Variants in CDH12 observed in about 807,000 individuals in gnomAD.
The protein encoded by CDH12 is cadherin 12.
A neutral mutation model predicts 74.1 loss-of-function variants in CDH12; 41 were observed. That is an observed-to-expected ratio of 0.55 (90% CI 0.43 to 0.72). The LOEUF is 0.72. Among genes scored for constraint, CDH12 ranks in the 30% least tolerant of loss-of-function variants. The probability of loss-of-function intolerance (pLI) is 0.00; values close to 1 mark genes in which losing one functional copy is unlikely to be tolerated. For synonymous variants in CDH12, 399 were observed against 355.0 expected, an observed-to-expected ratio of 1.12 and a Z score of -1.39; for missense variants, 945 against 977.2, an observed-to-expected ratio of 0.97 and a Z score of 0.44.
In CDH12 at chr5:21,750,918, C is replaced by G. The variant is rs1423472462; in HGVS notation, c.*819G>C. 2 of 150,742 alleles carry G rather than the reference C, an allele frequency of 1.3e-5. No individual in the cohort carries two copies. Among genetic ancestry groups the G allele is most frequent in the East Asian group, 1.9e-4 (1 of 5,138 alleles). The allele number at this position is 150,742 out of a possible 1,614,324, so 9.3% of individuals were successfully genotyped here. A position where few individuals can be genotyped will look rare whatever the true frequency, so the allele number is the denominator to read the frequency against. ...TTAATGTGTAATTTGAGCCCTGAGGCCTCTCTTTATAAAGAGGAATATTTT... is the reference window on the plus strand; with the variant it reads ...TTAATGTGTAATTTGAGCCCTGAGGGCTCTCTTTATAAAGAGGAATATTTT... On this transcript the variant is annotated 3_prime_UTR_variant, in exon 15 of 15. Transcript: ENST00000382254.
chr5:22,000,613 C>A (rs1736549123), intron 5 of CDH12, among the ~76,000 whole-genome samples: 1 of 152,116 alleles, frequency 6.6e-6, no homozygotes, highest in Non-Finnish European at 1.5e-5. Flanking sequence ...TCATTAATCT[C>A]CACTTAGAAA....
Position 22,156,800 on chromosome 5 carries a change from G to A in CDH12, c.-187+55698C>T, listed in dbSNP as rs1236188068. ...TTTAATTGCTGTGCCATTTTTCACT[G>A]AGATGGCAAGCATTTTTTACATATG... On this transcript the variant is annotated intron_variant, in intron 4 of 14. Coordinates refer to ENST00000382254, the MANE Select transcript of CDH12 (RefSeq NM_004061.5). Among the ~76,000 whole-genome samples the A allele has an allele frequency of 2.6e-5, 4 of 152,226 alleles. No homozygotes were observed. The East Asian group carries it at 7.7e-4, about 29-fold the overall frequency.
chr5:22,489,470 T>C (rs920190958), intron 2 of CDH12, among the ~76,000 whole-genome samples: 6 of 152,046 alleles, frequency 3.9e-5, no homozygotes, highest in African/African-American at 1.4e-4. Context: ...TATTTTGCCA[T>C]GGAATGACAT....
At chr5:22,460,577 T>C (rs1349378248) in intron 2 of CDH12, among the ~76,000 whole-genome samples, 1 of 152,170 alleles carries the variant, frequency 6.6e-6, no homozygotes, top group African/African-American at 2.4e-5. Flanking sequence ...CCTTTTCACT[T>C]ATAGCAGAGA....
intron 10 of CDH12, among the ~76,000 whole-genome samples, chr5:21,793,107 C>T (rs1336780231): frequency 6.6e-6 from 1 of 151,646 alleles, no homozygotes; most frequent in Admixed American, 6.6e-5. Context: ...CAGAACTTTC[C>T]TAATTTCCTC....
At chr5:21,885,500 T>C (rs1237513952) in intron 6 of CDH12, among the ~76,000 whole-genome samples, 1 of 152,304 alleles carries the variant, frequency 6.6e-6, no homozygotes, top group Admixed American at 6.5e-5. Flanking sequence ...AAAGGATTCA[T>C]GCAAGCTCAC....
chr5:22,105,697 A>AAAAAT (rs561684972), intron 4 of CDH12, among the ~76,000 whole-genome samples: 2,648 of 151,128 alleles, frequency 0.018, 40 homozygotes, highest in South Asian at 0.073. Context: ...TATTCTGTTA[A>AAAAAT]AAAATAAAAT....
At chr5:22,657,403 C>T (rs912207084) in intron 1 of CDH12, among the ~76,000 whole-genome samples, 1 of 152,086 alleles carries the variant, frequency 6.6e-6, no homozygotes, top group African/African-American at 2.4e-5. Flanking sequence ...ATAAATTAAA[C>T]TTTGATAATA....
chr5:21,915,918 A>G (rs1194001681), intron 6 of CDH12, among the ~76,000 whole-genome samples: 1 of 147,056 alleles, frequency 6.8e-6, no homozygotes, highest in East Asian at 2.1e-4. Context: ...AAAATAAAAG[A>G]CCTAGAGGGA....
intron 6 of CDH12, among the ~76,000 whole-genome samples, chr5:21,903,159 A>G (rs982788443): frequency 6.6e-6 from 1 of 152,156 alleles, no homozygotes; most frequent in African/African-American, 2.4e-5. Flanking sequence ...GACTTGGAAG[A>G]AACAATAACG....
intron 1 of CDH12, among the ~76,000 whole-genome samples, chr5:22,516,136 A>G (rs1443622493): frequency 1.3e-5 from 2 of 152,168 alleles, no homozygotes; most frequent in Non-Finnish European, 2.9e-5. Flanking sequence ...GATACTATGA[A>G]CATAAACTAA....
intron 12 of CDH12, among the ~76,000 whole-genome samples, chr5:21,762,305 T>C (rs1329287022): frequency 6.6e-6 from 1 of 152,130 alleles, no homozygotes; most frequent in Non-Finnish European, 1.5e-5. Flanking sequence ...GGAAAACAAC[T>C]ACCATCTAAA....
At chr5:21,913,779 G>GAGCCTCCCACCTC (rs1238541237) in intron 6 of CDH12, among the ~76,000 whole-genome samples, 1 of 151,938 alleles carries the variant, frequency 6.6e-6, no homozygotes, top group Non-Finnish European at 1.5e-5. Context: ...GAGCACAAGC[G>GAGCCTCCCACCTC]AGCCTCCCAC....
chr5:22,712,726 T>A (rs1004100014), intron 1 of CDH12, among the ~76,000 whole-genome samples: 1 of 152,144 alleles, frequency 6.6e-6, no homozygotes, highest in Non-Finnish European at 1.5e-5. Context: ...GATATTAAAA[T>A]ACAATAAAGT....
intron 4 of CDH12, among the ~76,000 whole-genome samples, chr5:22,134,509 A>G (rs1051561296): frequency 4.0e-5 from 6 of 151,064 alleles, no homozygotes; most frequent in African/African-American, 7.3e-5. Flanking sequence ...GGTGACATTG[A>G]ATAGATTCAC....
intron 1 of CDH12, among the ~76,000 whole-genome samples, chr5:22,524,070 C>T (rs2126690495): frequency 6.6e-6 from 1 of 151,746 alleles, no homozygotes; most frequent in Admixed American, 6.6e-5. Context: ...CAGCCTTGAC[C>T]TCCCTGGGCT....
intron 1 of CDH12, among the ~76,000 whole-genome samples, chr5:22,777,505 G>A (rs7714942): frequency 0.087 from 13,257 of 151,956 alleles, 823 homozygotes; most frequent in East Asian, 0.17. Context: ...ATGTGTACTA[G>A]TTAAACATGA....
At chr5:22,132,778 G>T (rs1446108803) in intron 4 of CDH12, among the ~76,000 whole-genome samples, 1 of 152,030 alleles carries the variant, frequency 6.6e-6, no homozygotes, top group Non-Finnish European at 1.5e-5. Context: ...GGAGTCTCAG[G>T]GTTTTAGGCT....
intron 4 of CDH12, among the ~76,000 whole-genome samples, chr5:22,176,871 C>A (rs1223642363): frequency 6.6e-6 from 1 of 152,076 alleles, no homozygotes. Flanking sequence ...CACTATCCTG[C>A]AGCCCCATTT....
Sources: gnomAD v4.1 joint callset for allele counts (sites outside exome capture counted in the v4.1 genomes callset) on GRCh38, gnomAD v4.1.1 for gene constraint, MANE v1.5 for transcripts, NCBI Gene and HGNC (gene_info 2026-07-23, HGNC 2026-07-21) for gene names.